The following MAST4 variants were observed in gnomAD, a reference collection of about 807,000 sequenced individuals.
The protein encoded by MAST4 is microtubule associated serine/threonine kinase family member 4, also known as microtubule-associated serine/threonine-protein kinase 4.
In MAST4, 89 loss-of-function variants were observed where a neutral mutation model predicts 162.7. That is an observed-to-expected ratio of 0.55 (90% CI 0.46 to 0.65). The LOEUF is 0.65. Ranked by LOEUF, MAST4 falls within the 30% of genes least tolerant of loss-of-function variation. MAST4 has a pLI of 0.00. For missense variants in MAST4, 3,153 were observed against 3,374.0 expected (o/e 0.93, Z 1.62); for synonymous variants, 1,479 against 1,361.1 (o/e 1.09, Z -1.91).
intron 5 of MAST4, among the ~76,000 whole-genome samples, chr5:67,084,030 C>G (rs1005277999): frequency 3.3e-5 from 5 of 152,162 alleles, no homozygotes; most frequent in Non-Finnish European, 2.9e-5. Flanking sequence ...TAACACATCT[C>G]CAAGGGATTC....
chr5:66,832,649 C>G (rs72761261), intron 3 of MAST4, among the ~76,000 whole-genome samples: 38,890 of 152,076 alleles, frequency 0.26, 5,928 homozygotes, highest in Non-Finnish European at 0.35. Context: ...TTTCTTCTGT[C>G]TCAACCTTAA....
intron 9 of MAST4, among the ~76,000 whole-genome samples, 154 bp downstream of exon 9, chr5:67,102,765 TA>T (rs973269713): frequency 2.6e-5 from 4 of 151,448 alleles, no homozygotes; most frequent in South Asian, 2.1e-4. Flanking sequence ...AGAAAATAAC[TA>T]AAAAAAAATG....
At chr5:67,153,970 A>C (rs1338696166) in intron 26 of MAST4, among the ~76,000 whole-genome samples, 4 of 152,208 alleles carry the variant, frequency 2.6e-5, no homozygotes, top group African/African-American at 9.7e-5. Context: ...GTTTGATCTG[A>C]AGGTTTAGTC....
intron 1 of MAST4, among the ~76,000 whole-genome samples, chr5:66,649,169 T>C (rs369920731): frequency 6.6e-6 from 1 of 152,176 alleles, no homozygotes; most frequent in Admixed American, 6.6e-5. Flanking sequence ...ATCAACTTGG[T>C]TGTCTTGCCA....
intron 3 of MAST4, among the ~76,000 whole-genome samples, chr5:66,805,285 T>C (rs1484952181): frequency 2.6e-5 from 4 of 152,224 alleles, no homozygotes; most frequent in African/African-American, 9.6e-5. Context: ...CCTAAGTACA[T>C]TACAGATCTG....
chr5:66,675,646 G>A (rs1223121572), intron 1 of MAST4, among the ~76,000 whole-genome samples: 2 of 152,122 alleles, frequency 1.3e-5, no homozygotes. Context: ...AGAACATCAC[G>A]GGGAGGCTCA....
At chr5:66,706,045 T>A (rs1241056597) in intron 1 of MAST4, among the ~76,000 whole-genome samples, 1 of 152,188 alleles carries the variant, frequency 6.6e-6, no homozygotes, top group African/African-American at 2.4e-5. Flanking sequence ...CTGCTTTGCA[T>A]CTTAAAATAT....
At chr5:66,928,592 C>A (rs1765075449) in intron 4 of MAST4, among the ~76,000 whole-genome samples, 1 of 152,042 alleles carries the variant, frequency 6.6e-6, no homozygotes, top group African/African-American at 2.4e-5. Flanking sequence ...TTAAATTGGC[C>A]TTTGTGGGTA....
chr5:67,100,417 C>G lies in MAST4; in HGVS notation c.913-18C>G, dbSNP rs756490509. On this transcript the variant is annotated intron_variant, in intron 7 of 28. Transcript: ENST00000403625. The stretch of plus-strand genomic sequence containing the variant: ...TCTTTCTGAGGTAGTTATGTGACCT[C>G]ACTTTGGTTTTTTTCAGTCATCCTG... The G allele has an allele frequency of 2.0e-5, 32 of 1,613,610 alleles. No individual in the cohort carries two copies. The East Asian group carries it at 6.9e-4, about 35-fold the overall frequency.
chr5:67,165,930 C>T lies in MAST4; in HGVS notation c.6751C>T (p.Pro2251Ser), dbSNP rs2151140256. ...CAGTAAGAGTGGGCCGGATGTGTTT[C>T]CTGCTACCCCAGGCTCCCAGAACAA... ...GHSKSGPDVF[P>S]ATPGSQNKAS... The change falls in exon 29 of 29, where the codon CCT becomes TCT. Residue 2251 changes from proline to serine, a missense_variant. Around this residue, in one of 7 missense-constraint regions of MAST4, gnomAD observed 1,644 missense variants for 1,495.0 expected, o/e 1.10. Coordinates refer to ENST00000403625, the MANE Select transcript of MAST4 (RefSeq NM_001164664.2). 3 of 1,613,402 alleles carry T rather than the reference C, an allele frequency of 1.9e-6. No individual in the cohort carries two copies. The highest frequency in any genetic ancestry group is 2.5e-6 in the Non-Finnish European group (3 of 1,179,864).
At chr5:67,011,521 C>A (rs1333763276) in intron 4 of MAST4, among the ~76,000 whole-genome samples, 1 of 152,208 alleles carries the variant, frequency 6.6e-6, no homozygotes, top group African/African-American at 2.4e-5. Context: ...TGCTAATATT[C>A]CATGACGCCG....
chr5:67,079,055 T>A (rs1450544474), intron 5 of MAST4, among the ~76,000 whole-genome samples: 1 of 148,002 alleles, frequency 6.8e-6, no homozygotes, highest in Non-Finnish European at 1.5e-5. Flanking sequence ...AAAATATCAG[T>A]GCAGTGTCTT....
At position 66,715,538 on chromosome 5, in the gene MAST4, GA is replaced by G. The variant is rs757296928; in HGVS notation, c.364-44170del. On this transcript the variant is annotated intron_variant, in intron 1 of 28. Transcript: ENST00000403625. ...ACTGTTGTGGGGTGGGGGGAGGGGGGAGGTATAGCATTAGGAGATATACCTA... is the reference window on the plus strand; with the variant it reads ...ACTGTTGTGGGGTGGGGGGAGGGGGGGGTATAGCATTAGGAGATATACCTA... Among the ~76,000 whole-genome samples the G allele has an allele frequency of 4.8e-4, 62 of 129,930 alleles. 1 individual carries two copies. Among genetic ancestry groups the G allele is most frequent in the East Asian group, 3.5e-3 (13 of 3,696 alleles). The allele number at this position is 129,930 out of a possible 152,430, so 85.2% of individuals were successfully genotyped here. A position where few individuals can be genotyped will look rare whatever the true frequency, so the allele number is the denominator to read the frequency against.
intron 1 of MAST4, among the ~76,000 whole-genome samples, chr5:66,609,711 T>C (rs10051465): frequency 4.1e-5 from 6 of 147,132 alleles, no homozygotes; most frequent in African/African-American, 1.5e-4. Flanking sequence ...TTTTGTTTTT[T>C]TTTTTTTGTT....
chr5:67,082,945 A>G (rs1027677335), intron 5 of MAST4, among the ~76,000 whole-genome samples: 2 of 152,208 alleles, frequency 1.3e-5, no homozygotes, highest in African/African-American at 4.8e-5. Flanking sequence ...AGGTTGGGAT[A>G]GGGCCTGGGT....
In MAST4 at chr5:66,888,356, A is replaced by G. The variant is rs1762170960; in HGVS notation, c.643-11595A>G. Among the ~76,000 whole-genome samples the G allele has an allele frequency of 2.0e-5, 3 of 152,208 alleles. No homozygotes were observed. In the South Asian group the frequency reaches 6.2e-4, roughly 32 times the overall value. On this transcript the variant is annotated intron_variant, in intron 3 of 28. Transcript: ENST00000403625. ...GTAGACTTGTGGGTATTAGCTTCAT[A>G]TAGCAGTTCAAGAGGTCCCTTGAGC...
At chr5:66,795,308 C>CATGTTTAGTAAATATTTTATTTA (rs1755597534) in intron 3 of MAST4, among the ~76,000 whole-genome samples, 2 of 152,094 alleles carry the variant, frequency 1.3e-5, no homozygotes, top group Non-Finnish European at 2.9e-5. Flanking sequence ...TAAACTGTTC[C>CATGTTTAGTAAATATTTTATTTA]CTTTATGTTA....
At chr5:67,138,685 C>T (rs1031761517) in intron 19 of MAST4, among the ~76,000 whole-genome samples, 5 of 152,240 alleles carry the variant, frequency 3.3e-5, no homozygotes, top group East Asian at 3.9e-4. Flanking sequence ...CCACCCACCT[C>T]GGCCTCCCAA....
At chr5:67,102,046 A>G (rs965627875) in intron 8 of MAST4, among the ~76,000 whole-genome samples, 3 of 150,802 alleles carry the variant, frequency 2.0e-5, no homozygotes, top group African/African-American at 7.3e-5. Flanking sequence ...ATGGATCTCA[A>G]TTATGACACC....
Sources: gnomAD v4.1 joint callset for allele counts (sites outside exome capture counted in the v4.1 genomes callset) on GRCh38, gnomAD v4.1.1 for gene constraint, gnomAD v4.1.1 regional missense constraint, MANE v1.5 for transcripts, NCBI Gene and HGNC (gene_info 2026-07-23, HGNC 2026-07-21) for gene names.